The following AP4B1 variants were observed in gnomAD, a reference collection of about 807,000 sequenced individuals.
AP4B1 encodes the protein AP-4 complex subunit beta-1.
A neutral mutation model predicts 76.5 loss-of-function variants in AP4B1; 49 were observed. The ratio of observed to expected loss-of-function variants is 0.64; its 90% confidence interval spans 0.51 to 0.81. AP4B1 has a LOEUF of 0.81. AP4B1 is among the 40% of genes least tolerant of loss of function. The probability of loss-of-function intolerance (pLI) is 0.00; values close to 1 mark genes in which losing one functional copy is unlikely to be tolerated. For missense variants in AP4B1, 911 were observed against 904.9 expected (o/e 1.01, Z -0.09); for synonymous variants, 330 against 333.3 (o/e 0.99, Z 0.11).
Position 113,894,863 on chromosome 1 carries a change from C to CACTGAAAAATGGGGTCA in AP4B1, c.*185_*201dup. ...CCAACATTAACCTCTACAACATCAT[C>CACTGAAAAATGGGGTCA]ACTGAAAAATGGGGTCAATTGCCAA... is the stretch of plus-strand genomic sequence containing the variant. On this transcript the variant is annotated 3_prime_UTR_variant, in exon 10 of 10. Coordinates refer to ENST00000369569, the MANE Select transcript of AP4B1 (RefSeq NM_001253852.3). The CACTGAAAAATGGGGTCA allele has an allele frequency of 1.7e-6, 1 of 579,386 alleles. No homozygotes were observed. The highest frequency in any genetic ancestry group is 3.0e-6 in the Non-Finnish European group (1 of 330,202). The allele number at this position is 579,386 out of a possible 1,614,324, so 35.9% of individuals were successfully genotyped here.
intron 5 of AP4B1, chr1:113,899,037 T>A: frequency 1.2e-5 from 15 of 1,217,170 alleles, no homozygotes; most frequent in Non-Finnish European, 1.6e-5. Flanking sequence ...AGCAAAACAA[T>A]TCCCCATTAA....
chr1:113,897,269 AC>A (rs1291476378), intron 7 of AP4B1: 3 of 158,304 alleles, frequency 1.9e-5, no homozygotes, highest in African/African-American at 7.3e-5. Context: ...CTAGCTAAAA[AC>A]TCCATGGTCT....
Position 113,895,350 on chromosome 1 carries a change from C to T in AP4B1, c.1935G>A (p.Val645=). The T allele has an allele frequency of 6.2e-7, 1 of 1,614,220 alleles. No individual in the cohort carries two copies. ...WLSLKVAHQQ[V]LPWRGEFHPD... is the part of the protein sequence containing the mutation. The stretch of plus-strand genomic sequence containing the variant: ...GATGGAATTCTCCCCGCCAAGGCAA[C>T]ACTTGCTGATGAGCAACTTTAAGGC... Residue 645 remains valine (V), a synonymous_variant, in exon 10 of 10, where the codon GTG becomes GTA. Transcript: ENST00000369569.
At chr1:113,902,069 C>A in intron 2 of AP4B1, 184 bp from the exon 3 acceptor site, 1 of 742,988 alleles carries the variant, frequency 1.3e-6, no homozygotes, top group Non-Finnish European at 2.2e-6. Flanking sequence ...TTGTTTTTTT[C>A]AAGATGGGGT....
In AP4B1 at chr1:113,900,237, T is replaced by A; in HGVS notation, c.781A>T (p.Ile261Phe). The change falls in exon 5 of 10, where the codon ATC becomes TTC. Residue 261 changes from isoleucine (I) to phenylalanine (F), a missense_variant. By Grantham distance (21) the Ile-to-Phe change is conservative. Coordinates refer to ENST00000369569, the MANE Select transcript of AP4B1 (RefSeq NM_001253852.3). ...ACGTGGGGAAACATTTTTGCCAAGA[T>A]CAGAAAAAGTTTGGTAGCTCCCATC... ...VVMGATKLFLILAKMFPHVQT... is the reference protein window; with the variant it reads ...VVMGATKLFLFLAKMFPHVQT... The A allele has an allele frequency of 6.2e-7, 1 of 1,608,434 alleles. No individual in the cohort carries two copies. The highest frequency in any genetic ancestry group is 8.5e-7 in the Non-Finnish European group (1 of 1,176,276).
chr1:113,900,744 T>C, intron 4 of AP4B1: 1 of 317,686 alleles, frequency 3.1e-6, no homozygotes, highest in Non-Finnish European at 5.9e-6. Context: ...TATATTTCTA[T>C]TTCCCTATAT....
At position 113,900,327 on chromosome 1, in the gene AP4B1, C is replaced by T. The variant is rs1668074558; in HGVS notation, c.691G>A (p.Glu231Lys). 2 of 1,608,496 alleles carry T rather than the reference C, an allele frequency of 1.2e-6. No individual in the cohort carries two copies. Among genetic ancestry groups the T allele is most frequent in the South Asian group, 2.2e-5 (2 of 90,250 alleles). ...FLLRYQPRSE[E>K]ELFDILNLLD... is the part of the protein sequence containing the mutation. The stretch of plus-strand genomic sequence containing the variant: ...AGATTGAGAATGTCAAATAGTTCTT[C>T]CTCACTGCGGGGTTGGTAGCGTAGC... The change falls in exon 5 of 10, where the codon GAA becomes AAA. Residue 231 changes from glutamate to lysine, a missense_variant. Glu to Lys is a moderately conservative substitution (Grantham distance 56, BLOSUM62 1). Coordinates refer to ENST00000369569, the MANE Select transcript of AP4B1 (RefSeq NM_001253852.3).
rs111785152 is a variant in AP4B1, at chr1:113,900,120, C to T, written c.898G>A (p.Val300Ile). 1 of 1,614,200 alleles carries T rather than the reference C, an allele frequency of 6.2e-7. No homozygotes were observed. Residue 300 changes from valine (V) to isoleucine (I), a missense_variant, in exon 5 of 10, where the codon GTA becomes ATA. Coordinates refer to ENST00000369569, the MANE Select transcript of AP4B1 (RefSeq NM_001253852.3). ...GGTAAACTATGCAAGATCTGGCGTACATGACAAAGAGCAACAAAACAGAGC... is the reference window on the plus strand; with the variant it reads ...GGTAAACTATGCAAGATCTGGCGTATATGACAAAGAGCAACAAAACAGAGC... ...RELCFVALCH[V>I]RQILHSLPGH...
rs751507828 is a variant in AP4B1, at chr1:113,901,215, A to G, written c.617+21T>C. The G allele has an allele frequency of 3.7e-6, 6 of 1,613,982 alleles. No individual in the cohort carries two copies. In the Admixed American group the frequency reaches 1.0e-4, roughly 27 times the overall value. On this transcript the variant is annotated intron_variant, in intron 4 of 9. Transcript: ENST00000369569. ...CAAGGTAGCAGATCTCATAATAAAAAGAGTGCTGAGGCATCCAAACCGATT... is the reference window on the plus strand; with the variant it reads ...CAAGGTAGCAGATCTCATAATAAAAGGAGTGCTGAGGCATCCAAACCGATT...
intron 1 of AP4B1, among the ~76,000 whole-genome samples, chr1:113,904,087 T>C (rs1400042446): frequency 2.0e-5 from 3 of 152,150 alleles, no homozygotes; most frequent in Non-Finnish European, 4.4e-5. Flanking sequence ...AGAACAACAA[T>C]GCTAATAAAC....
At chr1:113,903,670 T>C (rs1342918054) in intron 1 of AP4B1, among the ~76,000 whole-genome samples, 1 of 152,204 alleles carries the variant, frequency 6.6e-6, no homozygotes, top group Non-Finnish European at 1.5e-5. Context: ...GCAGATGTAA[T>C]AGCAAGGTAA....
chr1:113,894,779 C>A lies in AP4B1; in HGVS notation c.*286G>T, dbSNP rs934115690. 2.9e-5 allele frequency: 11 copies of A among 379,490 alleles called. No homozygotes were observed. Among genetic ancestry groups the A allele is most frequent in the South Asian group, 1.3e-4 (5 of 39,242 alleles). 23.5% of individuals were successfully genotyped at this position (379,490 alleles called of 1,614,324 possible). A position where few individuals can be genotyped will look rare whatever the true frequency, so the allele number is the denominator to read the frequency against. On this transcript the variant is annotated 3_prime_UTR_variant, in exon 10 of 10. Coordinates refer to ENST00000369569, the MANE Select transcript of AP4B1 (RefSeq NM_001253852.3). ...CACATCAGCCATCTTTAATTACTAA[C>A]ACAATTCCTAAAATTGATTAGGAAA...
intron 1 of AP4B1, 142 bp downstream of exon 1, chr1:113,904,463 C>T (rs1668712943): frequency 3.7e-6 from 3 of 816,446 alleles, no homozygotes; most frequent in Non-Finnish European, 6.5e-6. Context: ...TGACATGGTA[C>T]TCCAAAGCAG....
At position 113,897,806 on chromosome 1, in the gene AP4B1, C is replaced by T. The variant is rs1414174836; in HGVS notation, c.1302+34G>A. The T allele has an allele frequency of 1.9e-6, 3 of 1,603,400 alleles. No homozygotes were observed. The African/African-American group carries it at 4.0e-5, about 21-fold the overall frequency. Reference sequence around the variant, plus strand: ...AAGGGCAGGGTTTCAAGCATTCTCCCCCTACCTAGAAGTAAAGGAGAATTA... The same window carrying T: ...AAGGGCAGGGTTTCAAGCATTCTCCTCCTACCTAGAAGTAAAGGAGAATTA... On this transcript the variant is annotated intron_variant, in intron 7 of 9. Transcript: ENST00000369569.
chr1:113,901,328 T>C lies in AP4B1; in HGVS notation c.525A>G (p.Val175=), dbSNP rs1327340505. 6.2e-7 allele frequency: 1 copy of C among 1,614,100 alleles called. No individual in the cohort carries two copies. The highest frequency in any genetic ancestry group is 1.7e-5 in the Admixed American group (1 of 60,026). Residue 175 remains valine, a synonymous_variant, in exon 4 of 10, where the codon GTA becomes GTG. Transcript: ENST00000369569. ...YSLLRDQDPI[V]VVNCLRSLEE... is the part of the protein sequence containing the mutation. ...CTAGAGACCTCAAGCAGTTCACAACTACAATTGGATCCTGGTCACGCAGCA... is the reference window on the plus strand; with the variant it reads ...CTAGAGACCTCAAGCAGTTCACAACCACAATTGGATCCTGGTCACGCAGCA...
At chr1:113,898,399 C>T (rs1219187388) in intron 6 of AP4B1, among the ~76,000 whole-genome samples, 6 of 152,170 alleles carry the variant, frequency 3.9e-5, no homozygotes, top group African/African-American at 1.2e-4. Context: ...CTTGACTTAC[C>T]CTTGTCCCAA....
Position 113,900,015 on chromosome 1 carries a change from C to G in AP4B1, c.1003G>C (p.Val335Leu). Residue 335 changes from valine to leucine, a missense_variant, in exon 5 of 10, where the codon GTG (valine) becomes CTG (leucine). Transcript: ENST00000369569. ...TCATCGTTCACCAGTTCACACAGCA[C>G]CTCCACTTTCTGTAGTTTGATGTAG... Reference protein sequence around the residue: ...PHYIKLQKVEVLCELVNDENV... With the variant: ...PHYIKLQKVELLCELVNDENV... 1 of 1,614,200 alleles carries G rather than the reference C, an allele frequency of 6.2e-7. No individual in the cohort carries two copies. Among genetic ancestry groups the G allele is most frequent in the South Asian group, 1.1e-5 (1 of 91,086 alleles).
Position 113,896,162 on chromosome 1 carries a change from T to C in AP4B1, c.1510+96A>G, listed in dbSNP as rs182222093. On this transcript the variant is annotated intron_variant, in intron 8 of 9. Transcript: ENST00000369569. Reference sequence around the variant, plus strand: ...AAACCTAGGAAGCATTCACATTTTCTTCTCGGGTCCCAGACGTGACTCACC... The same window carrying C: ...AAACCTAGGAAGCATTCACATTTTCCTCTCGGGTCCCAGACGTGACTCACC... 4.4e-6 allele frequency: 7 copies of C among 1,595,726 alleles called. No individual in the cohort carries two copies. The East Asian group carries it at 1.3e-4, about 31-fold the overall frequency.
rs750420913 is a variant in AP4B1 at position 113,900,104 on chromosome 1, T to C, written c.914A>G (p.His305Arg). The change falls in exon 5 of 10, where the codon CAT becomes CGT. Residue 305 changes from histidine to arginine, a missense_variant. Transcript: ENST00000369569. ...VALCHVRQIL[H>R]SLPGHFSSHY... Reference sequence around the variant, plus strand: ...GCTGCTAAAGTGACCTGGTAAACTATGCAAGATCTGGCGTACATGACAAAG... The same window carrying C: ...GCTGCTAAAGTGACCTGGTAAACTACGCAAGATCTGGCGTACATGACAAAG... 11 of 1,614,114 alleles carry C rather than the reference T, an allele frequency of 6.8e-6. No individual in the cohort carries two copies. Among genetic ancestry groups the C allele is most frequent in the Non-Finnish European group, 1.7e-6 (2 of 1,180,046 alleles).
Sources: gnomAD v4.1 joint callset for allele counts (sites outside exome capture counted in the v4.1 genomes callset) on GRCh38, gnomAD v4.1.1 for gene constraint, MANE v1.5 for transcripts, NCBI Gene and HGNC (gene_info 2026-07-23, HGNC 2026-07-21) for gene names.